The following GLI2 variants were observed in gnomAD, a reference collection of about 807,000 sequenced individuals.
The protein encoded by GLI2 is GLI family zinc finger 2, also known as transcription activator GLI2.
A neutral mutation model predicts 78.9 loss-of-function variants in GLI2; 22 were observed. The ratio of observed to expected loss-of-function variants is 0.28; its 90% CI spans 0.20 to 0.40. The LOEUF (loss-of-function observed/expected upper bound fraction) is 0.40. Ranked by LOEUF, GLI2 falls within the 10% of genes least tolerant of loss-of-function variation. GLI2 has a pLI of 1.00. For synonymous variants in GLI2, 974 were observed against 963.7 expected (o/e 1.01, Z -0.20); for missense variants, 2,097 against 2,213.2 (o/e 0.95, Z 1.05).
Position 120,989,836 on chromosome 2 carries a change from G to A in GLI2, c.3871G>A (p.Ala1291Thr). 6.2e-7 allele frequency: 1 copy of A among 1,612,490 alleles called. No homozygotes were observed. Among genetic ancestry groups the A allele is most frequent in the East Asian group, 2.2e-5 (1 of 44,864 alleles). ...RHRELGVPDS[A>T]LAGVPPPHPV... is the part of the protein sequence containing the mutation. ...CAGGGAACTTGGGGTCCCCGATTCA[G>A]CCCTGGCTGGAGTGCCACCACCTCA... The change falls in exon 14 of 14, where the codon GCC becomes ACC. Residue 1291 changes from alanine (A) to threonine (T), a missense_variant. Around this residue, in one of 5 missense-constraint regions of GLI2, gnomAD observed 1,290 missense variants for 1,261.7 expected, o/e 1.02. Coordinates refer to ENST00000361492, the MANE Select transcript of GLI2 (RefSeq NM_001374353.1).
intron 2 of GLI2, among the ~76,000 whole-genome samples, chr2:120,923,147 C>T (rs1332019770): frequency 7.3e-5 from 1 of 13,716 alleles, no homozygotes; most frequent in Non-Finnish European, 2.1e-4. Context: ...GGCACACATA[C>T]ACATACACAG....
intron 2 of GLI2, among the ~76,000 whole-genome samples, chr2:120,847,556 G>A (rs1041725644): frequency 5.3e-5 from 8 of 152,020 alleles, no homozygotes; most frequent in Admixed American, 2.0e-4. Context: ...AGCGATGGAA[G>A]GAAGCGGAGC....
At position 120,940,301 on chromosome 2, in the gene GLI2, A is replaced by G. The variant is rs79550309; in HGVS notation, c.255-10942A>G. 6.5e-3 allele frequency among the ~76,000 whole-genome samples: 995 copies of G among 152,238 alleles called. 9 individuals carry two copies. Among genetic ancestry groups the G allele is most frequent in the Non-Finnish European group, 0.011 (778 of 68,014 alleles). On this transcript the variant is annotated intron_variant, in intron 3 of 13. Coordinates refer to ENST00000361492, the MANE Select transcript of GLI2 (RefSeq NM_001374353.1). ...GCTCAGGTAGGTTACCGACATTTCT[A>G]CTATGTTTTTCCCTGCATGTTCTCC...
At chr2:120,799,705 T>G (rs1472968386) in intron 2 of GLI2, among the ~76,000 whole-genome samples, 1 of 152,302 alleles carries the variant, frequency 6.6e-6, no homozygotes, top group Admixed American at 6.5e-5. Context: ...CTTTATGATC[T>G]TGGAACTTCG....
chr2:120,890,383 G>A (rs1388943436), intron 2 of GLI2, among the ~76,000 whole-genome samples: 1 of 152,062 alleles, frequency 6.6e-6, no homozygotes, highest in East Asian at 1.9e-4. Flanking sequence ...GACTGAGGTG[G>A]TAGATATTGA....
intron 2 of GLI2, among the ~76,000 whole-genome samples, chr2:120,887,355 C>T (rs1320050655): frequency 6.6e-6 from 1 of 152,238 alleles, no homozygotes; most frequent in Non-Finnish European, 1.5e-5. Context: ...TAGATCAATT[C>T]CAGCCGGAGC....
Position 120,886,232 on chromosome 2 carries a change from TTTTTGTTTTG to T in GLI2, c.149-41089_149-41080del, listed in dbSNP as rs147636277. Among the ~76,000 whole-genome samples the T allele has an allele frequency of 1.0e-2, 1,427 of 143,186 alleles. 20 individuals are homozygous for T. The highest frequency in any genetic ancestry group is 0.017 in the African/African-American group (656 of 37,806). 93.9% of individuals were successfully genotyped at this position (143,186 alleles called of 152,430 possible). A position where few individuals can be genotyped will look rare whatever the true frequency, so the allele number is the denominator to read the frequency against. On this transcript the variant is annotated intron_variant, in intron 2 of 13. Transcript: ENST00000361492. Reference sequence around the variant, plus strand: ...TGTGCGTGTATATTTTGGTTTTGGGTTTTTGTTTTGTTTTGTTTTGTTTTGTTTTGTTTTG... The same window carrying T: ...TGTGCGTGTATATTTTGGTTTTGGGTTTTTGTTTTGTTTTGTTTTGTTTTG...
intron 2 of GLI2, among the ~76,000 whole-genome samples, chr2:120,908,637 G>A (rs72955350): frequency 0.017 from 2,540 of 152,246 alleles, 88 homozygotes; most frequent in African/African-American, 0.058. Flanking sequence ...AACAGACCTG[G>A]CCACTGCTTG....
At chr2:120,907,707 T>C (rs1678610598) in intron 2 of GLI2, among the ~76,000 whole-genome samples, 1 of 152,102 alleles carries the variant, frequency 6.6e-6, no homozygotes, top group Non-Finnish European at 1.5e-5. Flanking sequence ...GGATGGGTCA[T>C]GTACTCCTCA....
At chr2:120,777,884 C>T (rs1486483575) in intron 1 of GLI2, among the ~76,000 whole-genome samples, 4 of 151,858 alleles carry the variant, frequency 2.6e-5, no homozygotes, top group Admixed American at 1.3e-4. Context: ...GCCATTGCAC[C>T]CCAGGCTGGG....
intron 2 of GLI2, among the ~76,000 whole-genome samples, chr2:120,879,099 C>G (rs1688911540): frequency 6.6e-6 from 1 of 152,098 alleles, no homozygotes; most frequent in South Asian, 2.1e-4. Context: ...TGCTGGCTGC[C>G]TGGGCCTGGC....
chr2:120,945,259 C>T (rs1477032955), intron 3 of GLI2, among the ~76,000 whole-genome samples: 2 of 152,224 alleles, frequency 1.3e-5, no homozygotes, highest in South Asian at 2.1e-4. Flanking sequence ...TTGCTGCTGC[C>T]GCTGGTCGCT....
intron 2 of GLI2, among the ~76,000 whole-genome samples, chr2:120,893,993 C>T (rs550206783): frequency 1.3e-5 from 2 of 152,234 alleles, no homozygotes; most frequent in Non-Finnish European, 2.9e-5. Flanking sequence ...CCCTCCCAAA[C>T]GTCCCCTGCA....
chr2:120,847,783 T>C (rs989308898), intron 2 of GLI2, among the ~76,000 whole-genome samples: 3 of 152,010 alleles, frequency 2.0e-5, no homozygotes, highest in African/African-American at 7.2e-5. Flanking sequence ...GGTTCCTATT[T>C]GGAGCCAGGG....
intron 2 of GLI2, among the ~76,000 whole-genome samples, chr2:120,889,255 A>T (rs994175469): frequency 6.6e-6 from 1 of 152,204 alleles, no homozygotes; most frequent in African/African-American, 2.4e-5. Context: ...CTTTCTTTGT[A>T]TCACGTCTTT....
At chr2:120,799,596 C>A (rs1371056165) in intron 2 of GLI2, among the ~76,000 whole-genome samples, 2 of 152,212 alleles carry the variant, frequency 1.3e-5, no homozygotes, top group Non-Finnish European at 2.9e-5. Context: ...TGGTAAAATG[C>A]GACGGCTGCA....
chr2:120,795,257 C>T (rs1430478400), intron 1 of GLI2, among the ~76,000 whole-genome samples: 3 of 151,302 alleles, frequency 2.0e-5, no homozygotes, highest in Non-Finnish European at 4.4e-5. Flanking sequence ...CTCGTTGGCT[C>T]ACGCCTGCAG....
chr2:120,977,335 A>T (rs1682501832), intron 9 of GLI2, among the ~76,000 whole-genome samples: 1 of 152,274 alleles, frequency 6.6e-6, no homozygotes. Flanking sequence ...ATCCAGCCCA[A>T]TATATCTGAA....
intron 1 of GLI2, among the ~76,000 whole-genome samples, chr2:120,761,692 C>T (rs13012673): frequency 0.11 from 16,973 of 152,146 alleles, 1,093 homozygotes; most frequent in Middle Eastern, 0.2. Context: ...GCTGCCGGCC[C>T]GTTGTTTGCT....
Sources: gnomAD v4.1 joint callset for allele counts (sites outside exome capture counted in the v4.1 genomes callset) on GRCh38, gnomAD v4.1.1 for gene constraint, gnomAD v4.1.1 regional missense constraint, MANE v1.5 for transcripts, NCBI Gene and HGNC (gene_info 2026-07-23, HGNC 2026-07-21) for gene names.